MYH7B: variants seen among roughly 807,000 people sequenced by gnomAD.
MYH7B encodes myosin-7B.
Under a neutral mutation model 234.5 loss-of-function variants are expected in MYH7B, and 205 were observed. The ratio of observed to expected loss-of-function variants is 0.87; its 90% CI spans 0.78 to 0.98. The LOEUF is 0.98. Ranked by LOEUF, MYH7B falls within the 50% of genes least tolerant of loss-of-function variation. MYH7B has a pLI of 0.00. For synonymous variants in MYH7B, 1,193 were observed against 1,105.0 expected (o/e 1.08, Z -1.58); for missense variants, 2,652 against 2,633.4 (o/e 1.01, Z -0.15).
At chr20:34,974,226 CTT>C (rs1184689535) in intron 2 of MYH7B, among the ~76,000 whole-genome samples, 7 of 123,346 alleles carry the variant, frequency 5.7e-5, no homozygotes, top group Non-Finnish European at 6.7e-5. Context: ...CATGCCCAGC[CTT>C]TTTTTTTTTT....
chr20:34,980,306 T>G, intron 7 of MYH7B: 1 of 393,394 alleles, frequency 2.5e-6, no homozygotes, highest in Non-Finnish European at 4.7e-6. Flanking sequence ...CCCAGCACTT[T>G]GGGAGGGCAA....
At position 34,999,148 on chromosome 20, in the gene MYH7B, TACAG is replaced by T. The variant is rs775970902; in HGVS notation, c.4289_4292del (p.Thr1430SerfsTer5). ...TCGTTGGAGAAGGCCAAGCTGCGGC[TACAG>T]ACAGAGTCAGAGGATGTAACCCTGG... On this transcript the variant is annotated frameshift_variant, in exon 36 of 45. Coordinates refer to ENST00000262873, the Ensembl canonical transcript of MYH7B. LOFTEE classifies it high-confidence loss of function. 3.0e-4 allele frequency: 490 copies of T among 1,613,714 alleles called. No individual in the cohort carries two copies. The highest frequency in any genetic ancestry group is 7.2e-4 in the Admixed American group (43 of 60,020).
intron 2 of MYH7B, among the ~76,000 whole-genome samples, chr20:34,959,973 T>G (rs527313715): frequency 6.6e-6 from 1 of 152,270 alleles, no homozygotes; most frequent in South Asian, 2.1e-4. Flanking sequence ...TATCCTGACT[T>G]GCCAAAGATC....
intron 22 of MYH7B, 66 bp downstream of exon 22, chr20:34,990,376 G>C (rs1307958451): frequency 1.3e-6 from 2 of 1,568,978 alleles, no homozygotes; most frequent in Non-Finnish European, 1.8e-6. Flanking sequence ...TTCACCCCCT[G>C]CCCTGTCCCC....
intron 2 of MYH7B, among the ~76,000 whole-genome samples, chr20:34,970,224 T>C (rs1360647063): frequency 3.3e-5 from 5 of 152,204 alleles, no homozygotes; most frequent in Admixed American, 3.3e-4. Flanking sequence ...CGTACCAGGC[T>C]GAGGCTGGGC....
At chr20:34,975,565 C>T (rs1341073412) in intron 3 of MYH7B, 66 bp downstream of exon 3, 1 of 701,502 alleles carries the variant, frequency 1.4e-6, no homozygotes, top group Admixed American at 2.1e-5. Context: ...AGATCATTCA[C>T]TGCAGCCTTG....
exon 22 of MYH7B, chr20:34,990,273 A>C (rs751060647): frequency 1.9e-6 from 3 of 1,614,184 alleles, no homozygotes; most frequent in East Asian, 2.2e-5. Flanking sequence ...AAGCGTAAGA[A>C]GGCAGCATCG....
chr20:34,990,364 C>T, intron 22 of MYH7B, 54 bp downstream of exon 22: 2 of 1,591,186 alleles, frequency 1.3e-6, no homozygotes, highest in Non-Finnish European at 1.7e-6. Context: ...CCAGCCCCGT[C>T]CTTCACCCCC....
Position 34,998,950 on chromosome 20 carries a change from G to A in MYH7B, c.4190+35G>A, listed in dbSNP as rs1344480378. The A allele has an allele frequency of 3.7e-6, 6 of 1,601,604 alleles. No homozygotes were observed. In the South Asian group the frequency reaches 6.7e-5, roughly 18 times the overall value. Reference sequence around the variant, plus strand: ...TTGCTGGCCAGGCCACTGCCATGCAGAGCTTTATGCCTGTGCCTGAGCCCC... The same window carrying A: ...TTGCTGGCCAGGCCACTGCCATGCAAAGCTTTATGCCTGTGCCTGAGCCCC... On this transcript the variant is annotated intron_variant, in intron 35 of 44. Transcript: ENST00000262873.
At chr20:34,987,525 C>T (rs2082051087) in intron 16 of MYH7B, 32 bp from the exon 17 acceptor site, 2 of 1,513,772 alleles carry the variant, frequency 1.3e-6, no homozygotes, top group Admixed American at 1.9e-5. Flanking sequence ...ATGGTGGTGT[C>T]CTCCTCCCTT....
At chr20:35,001,684 T>A in intron 43 of MYH7B, 158 bp downstream of exon 43, 1 of 800,820 alleles carries the variant, frequency 1.2e-6, no homozygotes, top group Non-Finnish European at 2.0e-6. Flanking sequence ...CAGACCTAGC[T>A]CCTTCTCATG....
rs369589197 is a variant in MYH7B, at chr20:34,986,937, G to C, written c.956G>C (p.Gly319Ala). Residue 319 changes from glycine (G) to alanine (A), a missense_variant, in exon 15 of 45, where the codon GGC becomes GCC. By Grantham distance (60) the Gly-to-Ala change is moderately conservative. This residue lies in a region of MYH7B where 2,279 missense variants were observed against 2,211.4 expected (regional missense o/e 1.03). Coordinates refer to ENST00000262873, the Ensembl canonical transcript of MYH7B. ...TATGACTACCACTTCTGCAGCCAGG[G>C]CGTCATCACCGTGGACAACATGAAT... 119 of 1,614,108 alleles carry C rather than the reference G, an allele frequency of 7.4e-5. No individual in the cohort carries two copies. The highest frequency in any genetic ancestry group is 2.8e-4 in the Admixed American group (17 of 60,018).
chr20:34,997,420 CGGAGCTGGGGAGGCTGCGGCG>C (rs766624493), exon 32 of MYH7B: 2 of 1,473,496 alleles, frequency 1.4e-6, no homozygotes, highest in South Asian at 1.4e-5. Context: ...AAGCGGGAGG[CGGAGCTGGGGAGGCTGCGGCG>C]GGAGCTGGAG....
chr20:34,990,879 C>CA (rs1385744091), intron 23 of MYH7B, 54 bp downstream of exon 23: 1 of 1,601,556 alleles, frequency 6.2e-7, no homozygotes, highest in Admixed American at 1.7e-5. Context: ...GGGAAGGTGA[C>CA]AGGGCAGAGG....
intron 10 of MYH7B, 55 bp downstream of exon 10, chr20:34,982,610 C>A: frequency 4.4e-6 from 6 of 1,356,770 alleles, no homozygotes; most frequent in Non-Finnish European, 5.0e-6. Flanking sequence ...TTTTTCTTTT[C>A]TTTCTTCCTC....
exon 15 of MYH7B, chr20:34,986,983 C>T: frequency 6.2e-7 from 1 of 1,613,332 alleles, no homozygotes; most frequent in Middle Eastern, 1.6e-4. Context: ...AGCTCATCGC[C>T]ACCGACGTAT....
intron 22 of MYH7B, 63 bp downstream of exon 22, chr20:34,990,373 C>A (rs755464712): frequency 1.3e-6 from 2 of 1,571,828 alleles, no homozygotes; most frequent in Non-Finnish European, 1.8e-6. Flanking sequence ...TCCTTCACCC[C>A]CTGCCCTGTC....
chr20:34,983,298 C>CTT (rs57589264), intron 10 of MYH7B, among the ~76,000 whole-genome samples: 51 of 71,644 alleles, frequency 7.1e-4, no homozygotes, highest in African/African-American at 1.5e-3. Context: ...CTTTTCTTTT[C>CTT]TTTTTTTTTT....
At chr20:34,994,229 T>G (rs749417277) in exon 27 of MYH7B, 86 of 1,613,116 alleles carry the variant, frequency 5.3e-5, no homozygotes, top group Non-Finnish European at 6.8e-6. Flanking sequence ...TTTTTCAAGA[T>G]GAAGCCGCTG....
Sources: allele counts gnomAD v4.1 joint callset (sites outside exome capture counted in the v4.1 genomes callset), GRCh38; gene constraint gnomAD v4.1.1; regional missense constraint gnomAD v4.1.1; transcripts MANE v1.5; gene names NCBI Gene and HGNC (gene_info 2026-07-23, HGNC 2026-07-21).